KIF25: variants seen among roughly 807,000 people sequenced by gnomAD.
KIF25 encodes kinesin-like protein KIF25.
KIF25 carries 19 observed loss-of-function variants against 32.9 expected under a neutral mutation model. The observed-to-expected ratio is 0.58, with a 90% CI of 0.40 to 0.85. The LOEUF is 0.85. KIF25 is among the 40% of genes least tolerant of loss of function. The pLI, the probability that KIF25 is intolerant of heterozygous loss-of-function variation, is 0.00. For missense variants in KIF25, 485 were observed against 507.0 expected (o/e 0.96, Z 0.42); for synonymous variants, 225 against 213.7 (o/e 1.05, Z -0.46).
Position 168,020,922 on chromosome 6 carries a change from C to T in KIF25, c.-95+2882C>T, listed in dbSNP as rs563206788. Reference sequence around the variant, plus strand: ...AAGCTATTTTAAAAACAAATAAAGGCGGTCAATACAATGGCAACCCAAATC... The same window carrying T: ...AAGCTATTTTAAAAACAAATAAAGGTGGTCAATACAATGGCAACCCAAATC... On this transcript the variant is annotated intron_variant, in intron 5 of 12. Transcript: ENST00000643607. Among the ~76,000 whole-genome samples the T allele has an allele frequency of 1.9e-3, 288 of 152,098 alleles. 1 individual carries two copies. The highest frequency in any genetic ancestry group is 3.4e-3 in the Middle Eastern group (1 of 294).
chr6:168,037,609 A>G (rs1799042164), intron 8 of KIF25, among the ~76,000 whole-genome samples: 1 of 150,980 alleles, frequency 6.6e-6, no homozygotes, highest in Non-Finnish European at 1.5e-5. Flanking sequence ...CAGGGTTAGC[A>G]CTCACCCATT....
intron 9 of KIF25, among the ~76,000 whole-genome samples, chr6:168,039,260 G>GC (rs1799081354): frequency 6.6e-6 from 1 of 152,176 alleles, no homozygotes; most frequent in South Asian, 2.1e-4. Context: ...GAAAGAACTT[G>GC]CCCACCCCAC....
In KIF25 at chr6:168,042,725, T is replaced by C. The variant is rs1435678953; in HGVS notation, c.985+9T>C. The C allele has an allele frequency of 3.1e-6, 5 of 1,605,626 alleles. No homozygotes were observed. The highest frequency in any genetic ancestry group is 1.3e-5 in the African/African-American group (1 of 74,912). On this transcript the variant is annotated intron_variant, in intron 12 of 12. Coordinates refer to ENST00000643607, the MANE Select transcript of KIF25 (RefSeq NM_030615.4). ...CCTTCAGGACTGCCTCGGTAACCGT[T>C]TTCCCCAAAATGCCCCAGGATGGGG...
intron 4 of KIF25, among the ~76,000 whole-genome samples, chr6:168,010,647 G>A (rs1798636315): frequency 6.6e-6 from 1 of 152,078 alleles, no homozygotes; most frequent in Non-Finnish European, 1.5e-5. Flanking sequence ...TTTGGTTTAT[G>A]GTGCAGTTTA....
rs191153620 is a variant in KIF25, at chr6:168,043,635, T to G, written c.985+919T>G. On this transcript the variant is annotated intron_variant, in intron 12 of 12. Coordinates refer to ENST00000643607, the MANE Select transcript of KIF25 (RefSeq NM_030615.4). ...TAAGAGAGAGACCACCTGGTACTCT[T>G]GGATTCCAAAGTTCGCAGCCCCAAC... Among the ~76,000 whole-genome samples, 23 of 152,336 alleles carry G rather than the reference T, an allele frequency of 1.5e-4. No individual in the cohort carries two copies. The East Asian group carries it at 4.3e-3, about 28-fold the overall frequency.
At chr6:168,035,441 AGGAGGCGGGAACGGCGCTGCGGG>A (rs1799004474) in intron 8 of KIF25, among the ~76,000 whole-genome samples, 5 of 12,490 alleles carry the variant, frequency 4.0e-4, no homozygotes, top group African/African-American at 1.4e-3. Context: ...GGCGCGGCGG[AGGAGGCGGGAACGGCGCTGCGGG>A]GGGGGCGGGA....
chr6:168,042,977 G>T (rs575661137), intron 12 of KIF25, among the ~76,000 whole-genome samples: 1 of 152,190 alleles, frequency 6.6e-6, no homozygotes, highest in South Asian at 2.1e-4. Flanking sequence ...GGCAGCCCTG[G>T]CCTTTCTCTT....
At chr6:168,031,200 T>A (rs1798936832) in intron 7 of KIF25, among the ~76,000 whole-genome samples, 1 of 152,268 alleles carries the variant, frequency 6.6e-6, no homozygotes. Flanking sequence ...TAAGGAATGT[T>A]AATGTCAGAT....
chr6:168,008,936 A>G (rs1798612666), intron 4 of KIF25, among the ~76,000 whole-genome samples: 2 of 152,110 alleles, frequency 1.3e-5, no homozygotes, highest in Admixed American at 1.3e-4. Flanking sequence ...TGTATCCTGC[A>G]ACTTTACCGA....
At position 168,042,612 on chromosome 6, in the gene KIF25, G is replaced by A. The variant is rs748716350; in HGVS notation, c.881G>A (p.Arg294His). The A allele has an allele frequency of 5.6e-5, 90 of 1,613,782 alleles. 1 individual carries two copies. The African/African-American group carries it at 5.6e-4, about 10-fold the overall frequency. ...CTGAGGGAGATGGCGTGCATCAGCC[G>A]CAGCCTTGCGGCCCTGGCAGGCGTC... ...LALREMACISRSLAALAGVLG... is the reference protein window; with the variant it reads ...LALREMACISHSLAALAGVLG... Residue 294 changes from arginine (R) to histidine (H), a missense_variant, in exon 12 of 13, where the codon CGC becomes CAC. By Grantham distance (29) the Arg-to-His change is conservative (BLOSUM62 0). Around this residue, in one of 2 missense-constraint regions of KIF25, gnomAD observed 480 missense variants for 470.3 expected, o/e 1.02. Transcript: ENST00000643607.
rs1181606528 is a variant in KIF25, at chr6:167,997,868, CCA to C, written c.-1600_-1599del. Among the ~76,000 whole-genome samples, 1 of 152,146 alleles carries C rather than the reference CCA, an allele frequency of 6.6e-6. No homozygotes were observed. Among genetic ancestry groups the C allele is most frequent in the Non-Finnish European group, 1.5e-5 (1 of 68,028 alleles). ...TTCCACCTGCCCGAGGCCCACGAAG[CCA>C]GTGTTCCTGCGAAGCTTCTCTTCCC... On this transcript the variant is annotated 5_prime_UTR_variant, in exon 1 of 13. An upstream open reading frame in the 5' UTR loses its in-frame stop. Coordinates refer to ENST00000643607, the MANE Select transcript of KIF25 (RefSeq NM_030615.4).
Position 167,999,167 on chromosome 6 carries a change from G to C in KIF25, c.-523G>C, listed in dbSNP as rs959392168. ...GGAGCTGGTGCCCGGTGCACGTTCAGTGGGGGATGCTCCGCAGTGCAGGCT... is the reference window on the plus strand; with the variant it reads ...GGAGCTGGTGCCCGGTGCACGTTCACTGGGGGATGCTCCGCAGTGCAGGCT... On this transcript the variant is annotated 5_prime_UTR_variant, in exon 2 of 13. Coordinates refer to ENST00000643607, the MANE Select transcript of KIF25 (RefSeq NM_030615.4). 1 of 152,328 alleles carries C rather than the reference G, an allele frequency of 6.6e-6. No homozygotes were observed. Among genetic ancestry groups the C allele is most frequent in the South Asian group, 2.1e-4 (1 of 4,836 alleles). The allele number at this position is 152,328 out of a possible 1,614,324, so 9.4% of individuals were successfully genotyped here. A position where few individuals can be genotyped will look rare whatever the true frequency, so the allele number is the denominator to read the frequency against.
At chr6:168,038,519 T>C (rs1799063522) in intron 8 of KIF25, 34 bp from the exon 9 acceptor site, 2 of 1,609,784 alleles carry the variant, frequency 1.2e-6, no homozygotes, top group Non-Finnish European at 1.7e-6. Flanking sequence ...TCTGTGAGAC[T>C]TTCTGTAAGT....
In KIF25 at chr6:168,045,044, T is replaced by G; in HGVS notation, c.*48T>G. The G allele has an allele frequency of 6.6e-7, 1 of 1,523,096 alleles. No homozygotes were observed. Among genetic ancestry groups the G allele is most frequent in the Non-Finnish European group, 8.9e-7 (1 of 1,122,774 alleles). 94.3% of individuals were successfully genotyped at this position (1,523,096 alleles called of 1,614,324 possible). A position where few individuals can be genotyped will look rare whatever the true frequency, so the allele number is the denominator to read the frequency against. ...TAAAACTGTGTTTCTTGTCCTTGCT[T>G]TATAATGCATATGTGCTTAGAAATA... On this transcript the variant is annotated 3_prime_UTR_variant, in exon 13 of 13. Coordinates refer to ENST00000643607, the MANE Select transcript of KIF25 (RefSeq NM_030615.4).
At chr6:168,029,422 A>G (rs1798908209) in intron 5 of KIF25, 70 bp from the exon 6 acceptor site, 1 of 1,100,976 alleles carries the variant, frequency 9.1e-7, no homozygotes. Context: ...GTGTTAAAGA[A>G]TAACTAACAT....
rs747385401 is a variant in KIF25, at chr6:168,038,706, A to G, written c.471A>G (p.Thr157=). 6.2e-7 allele frequency: 1 copy of G among 1,613,882 alleles called. No individual in the cohort carries two copies. Among genetic ancestry groups the G allele is most frequent in the Non-Finnish European group, 8.5e-7 (1 of 1,179,996 alleles). Residue 157 remains threonine, a synonymous_variant, in exon 9 of 13, where the codon ACA becomes ACG. Transcript: ENST00000643607. ...REVVTAKDGR[T]EVALLASEAV... ...TGGTGACAGCCAAGGATGGACGGAC[A>G]GAGGTTGCGCTGCTGGCCTCTGAGT... is the stretch of plus-strand genomic sequence containing the variant.
chr6:168,024,346 C>G (rs765423824), intron 5 of KIF25, among the ~76,000 whole-genome samples: 6 of 151,178 alleles, frequency 4.0e-5, no homozygotes, highest in Non-Finnish European at 7.4e-5. Context: ...ACTGGGCTGA[C>G]CTTTCTTCCA....
chr6:168,012,786 G>A (rs1450820846), intron 4 of KIF25, among the ~76,000 whole-genome samples: 1 of 152,096 alleles, frequency 6.6e-6, no homozygotes, highest in Non-Finnish European at 1.5e-5. Flanking sequence ...GTGACTGCTT[G>A]GCTGGCCTGA....
intron 8 of KIF25, among the ~76,000 whole-genome samples, chr6:168,037,708 G>A (rs1215520387): frequency 3.9e-5 from 6 of 152,020 alleles, no homozygotes; most frequent in Non-Finnish European, 5.9e-5. Context: ...ACAAGCCAGT[G>A]CATAGTTCTT....
Sources: allele counts gnomAD v4.1 joint callset (sites outside exome capture counted in the v4.1 genomes callset), GRCh38; gene constraint gnomAD v4.1.1; regional missense constraint gnomAD v4.1.1; transcripts MANE v1.5; gene names NCBI Gene and HGNC (gene_info 2026-07-23, HGNC 2026-07-21).